Variants in CAPN11 observed in about 807,000 individuals in gnomAD.
The protein encoded by CAPN11 is calpain 11, also known as calpain-11.
A neutral mutation model predicts 105.3 loss-of-function variants in CAPN11; 108 were observed. The observed-to-expected ratio is 1.03, with a 90% CI of 0.88 to 1.20. The LOEUF is 1.20. Ranked by LOEUF, CAPN11 falls within the 50% of genes most tolerant of loss-of-function variation. The pLI is 0.00. For missense variants in CAPN11, 883 were observed against 924.8 expected (o/e 0.95, Z 0.59); for synonymous variants, 329 against 344.5 (o/e 0.96, Z 0.50).
At chr6:44,183,056 A>G in intron 20 of CAPN11, 37 bp downstream of exon 20, 1 of 1,595,848 alleles carries the variant, frequency 6.3e-7, no homozygotes, top group Non-Finnish European at 8.6e-7. Flanking sequence ...GGGGCAGGGA[A>G]GAGGATGGCA....
In CAPN11 at chr6:44,183,326, C is replaced by T. The variant is rs1582894118; in HGVS notation, c.2134+91C>T. ...ACCCTGATGGGTGCTGCTCCAGATC[C>T]CCTCCCCCTTACAAGGCACACATGA... On this transcript the variant is annotated intron_variant, in intron 21 of 22. Transcript: ENST00000398776. 5 of 801,222 alleles carry T rather than the reference C, an allele frequency of 6.2e-6. No individual in the cohort carries two copies. The East Asian group carries it at 1.2e-4, about 20-fold the overall frequency. 49.6% of individuals were successfully genotyped at this position (801,222 alleles called of 1,614,324 possible).
At position 44,183,254 on chromosome 6, in the gene CAPN11, C is replaced by A; in HGVS notation, c.2134+19C>A. ...ATGTTCAGTGAGTTAGGCATCTACC[C>A]ACTCCCCAGCCTAGGCCAGGGGCCG... On this transcript the variant is annotated intron_variant, in intron 21 of 22. Transcript: ENST00000398776. The A allele has an allele frequency of 1.3e-6, 2 of 1,519,962 alleles. No individual in the cohort carries two copies. Among genetic ancestry groups the A allele is most frequent in the Non-Finnish European group, 1.8e-6 (2 of 1,094,192 alleles). The allele number at this position is 1,519,962 out of a possible 1,614,324, so 94.2% of individuals were successfully genotyped here.
At position 44,176,824 on chromosome 6, in the gene CAPN11, CCA is replaced by C. The variant is rs1772125348; in HGVS notation, c.1077-12_1077-11del. ...AGTGTGCTGCTGACGGGCTCCACCC[CCA>C]CCCCACCACAGGATGTCCTACCAAG... On this transcript the variant is annotated splice_polypyrimidine_tract_variant and intron_variant, in intron 10 of 22. Transcript: ENST00000398776. 6.2e-7 allele frequency: 1 copy of C among 1,613,340 alleles called. No homozygotes were observed. Among genetic ancestry groups the C allele is most frequent in the Admixed American group, 1.7e-5 (1 of 59,936 alleles).
Position 44,179,964 on chromosome 6 carries a change from C to T in CAPN11, c.1441C>T (p.Gln481Ter), listed in dbSNP as rs756492450. ...YAVPKEFQNIQDVHLKKEFFT... is the reference protein window; with the variant it reads ...YAVPKEFQNI ...AGGATGCATATAGTTTCAGAACATT[C>T]AGGATGTCCACTTGAAGAAGGAATT... is the stretch of plus-strand genomic sequence containing the variant. Residue 481 changes from glutamine (Q) to a stop codon, truncating the protein, a stop_gained, in exon 14 of 23, where the codon CAG (glutamine) becomes TAG (stop). Transcript: ENST00000398776. LOFTEE classifies it high-confidence loss of function. 3.1e-6 allele frequency: 5 copies of T among 1,612,650 alleles called. No homozygotes were observed. The East Asian group carries it at 8.9e-5, about 29-fold the overall frequency.
intron 5 of CAPN11, 43 bp from the exon 6 acceptor site, chr6:44,172,897 T>G (rs1158970247): frequency 6.2e-7 from 1 of 1,600,758 alleles, no homozygotes; most frequent in Admixed American, 1.7e-5. Context: ...AGGCGCTTGA[T>G]GATAGGGTTC....
rs762041052 is a variant in CAPN11 at position 44,183,717 on chromosome 6, C to G, written c.2147C>G (p.Thr716Ser). The G allele has an allele frequency of 6.2e-7, 1 of 1,613,878 alleles. No homozygotes were observed. The highest frequency in any genetic ancestry group is 1.1e-5 in the South Asian group (1 of 91,060). Residue 716 changes from threonine (T) to serine (S), a missense_variant, in exon 22 of 23, where the codon ACC becomes AGC. Thr to Ser is a moderately conservative substitution (Grantham distance 58, BLOSUM62 1). Coordinates refer to ENST00000398776, the MANE Select transcript of CAPN11 (RefSeq NM_007058.4). ...CTCTGTAACGCAGCATTCTTTCTAA[C>G]CATGGACCCCAAGAATACTGGCCAT... ...RLKTMFTFFL[T>S]MDPKNTGHIC...
chr6:44,179,558 T>C, intron 12 of CAPN11, 61 bp from the exon 13 acceptor site: 2 of 1,514,048 alleles, frequency 1.3e-6, no homozygotes, highest in Non-Finnish European at 9.2e-7. Context: ...ACTTGGCTTC[T>C]GAAGGCCTGA....
chr6:44,173,429 G>A (rs1771354167), intron 7 of CAPN11, 43 bp downstream of exon 7: 1 of 1,335,356 alleles, frequency 7.5e-7, no homozygotes, highest in East Asian at 2.5e-5. Flanking sequence ...TGCACCTGCT[G>A]TTGCTGTCAC....
intron 3 of CAPN11, 85 bp from the exon 4 acceptor site, chr6:44,169,821 G>A (rs1770656908): frequency 2.8e-6 from 3 of 1,080,184 alleles, no homozygotes; most frequent in Non-Finnish European, 1.4e-6. Flanking sequence ...GAACTTCAAG[G>A]TGGGCATCAT....
In CAPN11 at chr6:44,182,946, C is replaced by T. The variant is rs369006949; in HGVS notation, c.1944C>T (p.Ile648=). 1.2e-6 allele frequency: 2 copies of T among 1,606,670 alleles called. No homozygotes were observed. Among genetic ancestry groups the T allele is most frequent in the Non-Finnish European group, 1.7e-6 (2 of 1,175,630 alleles). ...ATATCTGTCTGTCTCTTCAGGACAT[C>T]TTCAGAGAGTGTGACCAGGACCATT... ...LWKKLKKWMD[I]FRECDQDHSG... The change falls in exon 20 of 23, where the codon ATC becomes ATT. Residue 648 remains isoleucine, a synonymous_variant. Coordinates refer to ENST00000398776, the MANE Select transcript of CAPN11 (RefSeq NM_007058.4).
chr6:44,166,928 T>A, intron 2 of CAPN11, 99 bp downstream of exon 2: 1 of 596,232 alleles, frequency 1.7e-6, no homozygotes, highest in East Asian at 4.3e-5. Flanking sequence ...GGGAAGTCAG[T>A]CATGTTGTGT....
At chr6:44,173,715 T>C (rs1665885314) in intron 7 of CAPN11, among the ~76,000 whole-genome samples, 1 of 152,038 alleles carries the variant, frequency 6.6e-6, no homozygotes, top group African/African-American at 2.4e-5. Context: ...CCCAAGGAGC[T>C]GGGATTACAG....
chr6:44,171,118 C>T (rs9381295), intron 4 of CAPN11, among the ~76,000 whole-genome samples: 69,515 of 151,960 alleles, frequency 0.46, 16,207 homozygotes, highest in Non-Finnish European at 0.48. Flanking sequence ...GGGATTGGAG[C>T]GCCCTTGATA....
chr6:44,165,300 A>G (rs1561838819), intron 1 of CAPN11, among the ~76,000 whole-genome samples: 1 of 152,206 alleles, frequency 6.6e-6, no homozygotes, highest in Non-Finnish European at 1.5e-5. Context: ...GATTTTTGCT[A>G]TTTAAGGTTA....
At chr6:44,171,336 G>T (rs145341528) in intron 4 of CAPN11, among the ~76,000 whole-genome samples, 872 of 152,310 alleles carry the variant, frequency 5.7e-3, no homozygotes, top group Non-Finnish European at 8.6e-3. Context: ...CAGGGACACT[G>T]CCTCATACCC....
intron 1 of CAPN11, among the ~76,000 whole-genome samples, chr6:44,164,287 G>A (rs1309148611): frequency 6.6e-6 from 1 of 152,226 alleles, no homozygotes; most frequent in Non-Finnish European, 1.5e-5. Context: ...CATGAGGGAG[G>A]TAAACAATAA....
chr6:44,165,236 G>C (rs1769599901), intron 1 of CAPN11, among the ~76,000 whole-genome samples: 1 of 152,192 alleles, frequency 6.6e-6, no homozygotes, highest in South Asian at 2.1e-4. Context: ...GAACTAGTGG[G>C]GGAGGAGGAT....
intron 3 of CAPN11, 115 bp downstream of exon 3, chr6:44,169,646 C>T: frequency 9.0e-7 from 1 of 1,111,542 alleles, no homozygotes; most frequent in Non-Finnish European, 1.3e-6. Flanking sequence ...CTGACCCTGG[C>T]ACTAGGCCCC....
chr6:44,179,367 C>T (rs968218060), intron 12 of CAPN11, among the ~76,000 whole-genome samples: 2 of 150,436 alleles, frequency 1.3e-5, no homozygotes, highest in African/African-American at 2.4e-5. Flanking sequence ...GTGACATGAT[C>T]GTGACTCACT....
Sources: allele counts gnomAD v4.1 joint callset (sites outside exome capture counted in the v4.1 genomes callset), GRCh38; gene constraint gnomAD v4.1.1; transcripts MANE v1.5; gene names NCBI Gene and HGNC (gene_info 2026-07-23, HGNC 2026-07-21).